The following TMEM11 variants were observed in gnomAD, a reference collection of about 807,000 sequenced individuals.
TMEM11 encodes transmembrane protein 11, also known as transmembrane protein 11, mitochondrial.
In TMEM11, 1 loss-of-function variant was observed where a neutral mutation model predicts 17.0. The observed-to-expected ratio is 0.06, with a 90% CI of 0.02 to 0.28. The LOEUF is 0.28. Among genes scored for constraint, TMEM11 ranks in the 10% least tolerant of loss-of-function variants. TMEM11 has a pLI of 1.00. For synonymous variants in TMEM11, 122 were observed against 118.1 expected (o/e 1.03, Z -0.21); for missense variants, 172 against 252.9 (o/e 0.68, Z 2.17).
chr17:21,213,909 C>A (rs1874486804), intron 1 of TMEM11, 182 bp downstream of exon 1: 2 of 616,872 alleles, frequency 3.2e-6, no homozygotes, highest in African/African-American at 1.9e-5. Context: ...TCCGCCGAGG[C>A]CTTCGACCTC....
At chr17:21,213,789 A>C (rs1257932850) in intron 1 of TMEM11, 1 of 400,434 alleles carries the variant, frequency 2.5e-6, no homozygotes, top group Non-Finnish European at 4.5e-6. Context: ...CGGGTCCCTG[A>C]GGCCTGCGCT....
chr17:21,200,681 T>C (rs1179309070), intron 1 of TMEM11, among the ~76,000 whole-genome samples: 1 of 152,252 alleles, frequency 6.6e-6, no homozygotes. Flanking sequence ...CAAGGGTCAA[T>C]GTGGCCCATG....
chr17:21,199,254 G>C (rs889016221), intron 1 of TMEM11, among the ~76,000 whole-genome samples: 2 of 146,044 alleles, frequency 1.4e-5, no homozygotes, highest in East Asian at 4.1e-4. Flanking sequence ...TTGAACCTGG[G>C]AGGCGGAGCT....
chr17:21,200,346 G>A (rs1974870277), intron 1 of TMEM11, among the ~76,000 whole-genome samples: 2 of 152,196 alleles, frequency 1.3e-5, no homozygotes, highest in South Asian at 2.1e-4. Context: ...CTGAATCTCC[G>A]CACCGTCACC....
At position 21,198,868 on chromosome 17, in the gene TMEM11, G is replaced by C; in HGVS notation, c.63-28C>G. On this transcript the variant is annotated intron_variant, in intron 1 of 1. Coordinates refer to ENST00000317635, the MANE Select transcript of TMEM11 (RefSeq NM_003876.3). The surrounding 1 kb of genome is among the most constrained non-coding windows in gnomAD (Gnocchi z 6.5). The stretch of plus-strand genomic sequence containing the variant: ...TTTGATGGAGGGGGCAGGAAAGGGA[G>C]AGAGAGAGAGAGACAGGATGATTAG... 1 of 1,571,282 alleles carries C rather than the reference G, an allele frequency of 6.4e-7. No individual in the cohort carries two copies. Among genetic ancestry groups the C allele is most frequent in the Non-Finnish European group, 8.7e-7 (1 of 1,155,554 alleles).
intron 1 of TMEM11, among the ~76,000 whole-genome samples, chr17:21,202,510 C>T (rs747417609): frequency 6.6e-6 from 1 of 152,184 alleles, no homozygotes; most frequent in Non-Finnish European, 1.5e-5. Context: ...AACCCCGGTC[C>T]TGGAACCGAC....
intron 1 of TMEM11, among the ~76,000 whole-genome samples, chr17:21,207,093 A>G (rs1974950187): frequency 6.6e-6 from 1 of 152,184 alleles, no homozygotes; most frequent in African/African-American, 2.4e-5. Flanking sequence ...TTTCATTTAA[A>G]TGGAATCCTG....
intron 1 of TMEM11, chr17:21,211,145 G>A: frequency 3.1e-6 from 4 of 1,289,846 alleles, no homozygotes; most frequent in South Asian, 2.5e-5. Context: ...TGATGTGCTC[G>A]TTGCCAGTGT....
chr17:21,210,584 C>T (rs777021616), intron 1 of TMEM11, among the ~76,000 whole-genome samples: 5 of 152,192 alleles, frequency 3.3e-5, no homozygotes, highest in Admixed American at 6.5e-5. Flanking sequence ...AACCTGCCCC[C>T]GGGGCCTGTG....
intron 1 of TMEM11, chr17:21,211,108 C>T (rs1211824737): frequency 1.9e-5 from 25 of 1,289,694 alleles, no homozygotes; most frequent in East Asian, 5.5e-5. Context: ...GTCTCAAAGA[C>T]GCCGACAGGA....
chr17:21,211,198 A>C, intron 1 of TMEM11: 1 of 1,289,838 alleles, frequency 7.8e-7, no homozygotes, highest in South Asian at 1.2e-5. Context: ...TCAGAGTCTG[A>C]TGTTCTTCAT....
In TMEM11 at chr17:21,203,961, C is replaced by CT. The variant is rs59460426; in HGVS notation, c.63-5122dup. ...GGTGCATGGGAGATCTTTTTTTTTC[C>CT]TTTTTTTTTTTTTTTTTAAATTATA... On this transcript the variant is annotated intron_variant, in intron 1 of 1. Transcript: ENST00000317635. Among the ~76,000 whole-genome samples the CT allele has an allele frequency of 6.6e-4, 82 of 124,588 alleles. No homozygotes were observed. The East Asian group carries it at 7.4e-3, about 11-fold the overall frequency. 81.7% of individuals were successfully genotyped at this position (124,588 alleles called of 152,430 possible).
At chr17:21,209,772 A>G (rs183655097) in intron 1 of TMEM11, among the ~76,000 whole-genome samples, 1 of 152,266 alleles carries the variant, frequency 6.6e-6, no homozygotes, top group Non-Finnish European at 1.5e-5. Context: ...TGTCTCATAA[A>G]ATAAATAAAT....
chr17:21,211,009 C>T lies in TMEM11; in HGVS notation c.62+3082G>A, dbSNP rs867594707. On this transcript the variant is annotated intron_variant, in intron 1 of 1. Transcript: ENST00000317635. ...GTGAAGCCGAGCAGCCCAAGTAAGA[C>T]AGGCAGGGCTGTCTGTGAGCTGGTC... The T allele has an allele frequency of 3.9e-6, 5 of 1,289,840 alleles. No individual in the cohort carries two copies. The Middle Eastern group carries it at 1.1e-3, about 275-fold the overall frequency. The allele number at this position is 1,289,840 out of a possible 1,614,324, so 79.9% of individuals were successfully genotyped here. A position where few individuals can be genotyped will look rare whatever the true frequency, so the allele number is the denominator to read the frequency against.
At chr17:21,200,813 C>G (rs1214332538) in intron 1 of TMEM11, among the ~76,000 whole-genome samples, 1 of 152,224 alleles carries the variant, frequency 6.6e-6, no homozygotes, top group African/African-American at 2.4e-5. Flanking sequence ...GGCAGGCACA[C>G]CTGGCTGCGG....
intron 1 of TMEM11, among the ~76,000 whole-genome samples, chr17:21,210,183 C>T (rs1277503012): frequency 6.6e-6 from 1 of 152,206 alleles, no homozygotes; most frequent in Non-Finnish European, 1.5e-5. Flanking sequence ...AAGGACTGAA[C>T]CACTGAGACA....
At chr17:21,202,568 C>G (rs567147857) in intron 1 of TMEM11, among the ~76,000 whole-genome samples, 2 of 152,162 alleles carry the variant, frequency 1.3e-5, no homozygotes, top group African/African-American at 2.4e-5. Context: ...CCCCTCACCC[C>G]CTCCGGCCCC....
intron 1 of TMEM11, 92 bp downstream of exon 1, chr17:21,213,999 G>C (rs1479646879): frequency 5.7e-6 from 7 of 1,238,000 alleles, no homozygotes; most frequent in Non-Finnish European, 6.7e-6. Flanking sequence ...GGGAAACCAG[G>C]GAAGGAAGGC....
intron 1 of TMEM11, 25 bp downstream of exon 1, chr17:21,214,066 G>C: frequency 6.2e-7 from 1 of 1,603,556 alleles, no homozygotes; most frequent in Non-Finnish European, 8.5e-7. Context: ...GCCTGCACTG[G>C]GGGCAACAAG....
Sources: allele counts gnomAD v4.1 joint callset (sites outside exome capture counted in the v4.1 genomes callset), GRCh38; gene constraint gnomAD v4.1.1; non-coding constraint Gnocchi (gnomAD v3.1); transcripts MANE v1.5; gene names NCBI Gene and HGNC (gene_info 2026-07-23, HGNC 2026-07-21).